The following TSPAN9 variants were observed in gnomAD, a reference collection of about 807,000 sequenced individuals.
The protein encoded by TSPAN9 is tetraspanin 9.
TSPAN9 carries 16 observed loss-of-function variants against 31.0 expected under a neutral mutation model. The ratio of observed to expected loss-of-function variants is 0.52; its 90% CI spans 0.35 to 0.78. The LOEUF (loss-of-function observed/expected upper bound fraction) is 0.78, where lower values mean the gene tolerates loss of function less well. Among genes scored for constraint, TSPAN9 ranks in the 30% least tolerant of loss-of-function variants. The pLI is 0.01. For synonymous variants in TSPAN9, 145 were observed against 121.6 expected, an observed-to-expected ratio of 1.19 and a Z score of -1.27; for missense variants, 272 against 312.5, an observed-to-expected ratio of 0.87 and a Z score of 0.98.
chr12:3,246,640 G>T (rs1862133917), intron 3 of TSPAN9, among the ~76,000 whole-genome samples: 1 of 152,212 alleles, frequency 6.6e-6, no homozygotes, highest in Non-Finnish European at 1.5e-5. Flanking sequence ...GGGTCAGTGT[G>T]CCTACATCCC....
intron 3 of TSPAN9, among the ~76,000 whole-genome samples, chr12:3,232,049 C>T (rs2098391029): frequency 6.6e-6 from 1 of 152,162 alleles, no homozygotes; most frequent in Admixed American, 6.5e-5. Context: ...TTCCAGAGGT[C>T]CCTTCTGTCT....
At chr12:3,149,879 C>T (rs539565323) in intron 2 of TSPAN9, 38 of 152,358 alleles carry the variant, frequency 2.5e-4, no homozygotes, top group African/African-American at 8.7e-4. Context: ...AGGTTTGCCC[C>T]TTTGAGGAGA....
At chr12:3,138,414 T>C (rs182179107) in intron 2 of TSPAN9, among the ~76,000 whole-genome samples, 66 of 152,220 alleles carry the variant, frequency 4.3e-4, no homozygotes, top group Non-Finnish European at 8.4e-4. Flanking sequence ...GAGGCCCCAG[T>C]GCCCAGCTCT....
intron 2 of TSPAN9, among the ~76,000 whole-genome samples, chr12:3,123,497 G>A (rs968696245): frequency 6.6e-6 from 1 of 152,118 alleles, no homozygotes; most frequent in Non-Finnish European, 1.5e-5. Flanking sequence ...GTCCCCGAAG[G>A]TTCTGAGTCT....
intron 2 of TSPAN9, among the ~76,000 whole-genome samples, chr12:3,087,951 C>T (rs1038265635): frequency 6.6e-6 from 1 of 152,212 alleles, no homozygotes; most frequent in Admixed American, 6.5e-5. Context: ...GCTTAGGGGC[C>T]CAAAGCTCTC....
At position 3,168,542 on chromosome 12, in the gene TSPAN9, G is replaced by A. The variant is rs911836971; in HGVS notation, c.-17-32635G>A. On this transcript the variant is annotated intron_variant, in intron 2 of 8. Transcript: ENST00000011898. The surrounding 1 kb of genome is among the most constrained non-coding windows in gnomAD (Gnocchi z 4.0). The stretch of plus-strand genomic sequence containing the variant: ...AAGCTGGGAGGTGCCAGAGCTGGGG[G>A]GCGGTGGGGAGCTGACTTACTTTCT... Among the ~76,000 whole-genome samples the A allele has an allele frequency of 6.6e-6, 1 of 152,180 alleles. No homozygotes were observed. Among genetic ancestry groups the A allele is most frequent in the Non-Finnish European group, 1.5e-5 (1 of 68,040 alleles).
intron 2 of TSPAN9, among the ~76,000 whole-genome samples, chr12:3,085,436 C>T (rs1413698964): frequency 2.6e-5 from 4 of 151,664 alleles, no homozygotes; most frequent in East Asian, 1.9e-4. Flanking sequence ...TGTGCATCTG[C>T]GTTGAAACCC....
intron 3 of TSPAN9, among the ~76,000 whole-genome samples, chr12:3,209,664 C>T (rs767464903): frequency 1.8e-4 from 28 of 151,482 alleles, no homozygotes; most frequent in East Asian, 7.7e-4. Flanking sequence ...TTGCTATAAA[C>T]GTTTCTAAGC....
intron 2 of TSPAN9, among the ~76,000 whole-genome samples, chr12:3,117,329 CT>C (rs1324332054): frequency 4.6e-5 from 7 of 152,098 alleles, no homozygotes. Flanking sequence ...TTTTTGGACT[CT>C]GTTTTATAAG....
At chr12:3,253,895 T>G (rs986306575) in intron 3 of TSPAN9, among the ~76,000 whole-genome samples, 4 of 152,178 alleles carry the variant, frequency 2.6e-5, no homozygotes, top group Non-Finnish European at 5.9e-5. Flanking sequence ...GAACCCCAGG[T>G]GCGTGGCTGC....
At chr12:3,213,246 G>T (rs368810536) in intron 3 of TSPAN9, among the ~76,000 whole-genome samples, 4 of 152,300 alleles carry the variant, frequency 2.6e-5, no homozygotes, top group Admixed American at 6.5e-5. Flanking sequence ...CTAAGCAAAC[G>T]GCAGTTGCTG....
chr12:3,151,715 A>G (rs1416483284), intron 2 of TSPAN9, among the ~76,000 whole-genome samples: 1 of 152,028 alleles, frequency 6.6e-6, no homozygotes, highest in Non-Finnish European at 1.5e-5. Flanking sequence ...CCAACGTGAA[A>G]TGTCTCTTAC....
At chr12:3,221,010 A>G (rs1420789506) in intron 3 of TSPAN9, among the ~76,000 whole-genome samples, 1 of 151,822 alleles carries the variant, frequency 6.6e-6, no homozygotes, top group Non-Finnish European at 1.5e-5. Context: ...AGCCCTGGAG[A>G]CTCAGCATCA....
rs3782785 is a variant in TSPAN9 at position 3,255,406 on chromosome 12, G to T, written c.64-23015G>T. ...GGCCACATCACGTAATGGGAGCAGC[G>T]ATCAGGGCAACTGAAAAAGGAAACG... On this transcript the variant is annotated intron_variant, in intron 3 of 8. Transcript: ENST00000011898. 1.8e-4 allele frequency among the ~76,000 whole-genome samples: 27 copies of T among 152,306 alleles called. No homozygotes were observed. The East Asian group carries it at 4.4e-3, about 25-fold the overall frequency.
At chr12:3,130,250 A>G (rs1387458971) in intron 2 of TSPAN9, among the ~76,000 whole-genome samples, 1 of 152,236 alleles carries the variant, frequency 6.6e-6, no homozygotes, top group Non-Finnish European at 1.5e-5. Context: ...AGCCGCTTGA[A>G]GCAGCCTGCG....
chr12:3,207,435 C>T (rs1472154335), intron 3 of TSPAN9, among the ~76,000 whole-genome samples: 1 of 152,080 alleles, frequency 6.6e-6, no homozygotes, highest in East Asian at 1.9e-4. Context: ...GCTAATCTGC[C>T]AGTAGAAGTG....
chr12:3,088,814 G>C (rs2153962669), intron 2 of TSPAN9, among the ~76,000 whole-genome samples: 1 of 152,238 alleles, frequency 6.6e-6, no homozygotes, highest in Middle Eastern at 3.4e-3. Context: ...GACAGGTGTG[G>C]CCTGCAGGAG....
chr12:3,103,941 A>G (rs1462084171), intron 2 of TSPAN9, among the ~76,000 whole-genome samples: 8 of 151,162 alleles, frequency 5.3e-5, no homozygotes, highest in African/African-American at 2.0e-4. Flanking sequence ...GGCAAATGCT[A>G]TGGAGGACAG....
At chr12:3,141,741 T>G (rs1386993013) in intron 2 of TSPAN9, among the ~76,000 whole-genome samples, 1 of 152,196 alleles carries the variant, frequency 6.6e-6, no homozygotes, top group Non-Finnish European at 1.5e-5. Flanking sequence ...GCCGCTGGTC[T>G]AAAGGCTTTT....
Sources: gnomAD v4.1 joint callset for allele counts (sites outside exome capture counted in the v4.1 genomes callset) on GRCh38, gnomAD v4.1.1 for gene constraint, Gnocchi (gnomAD v3.1) non-coding constraint, MANE v1.5 for transcripts, NCBI Gene and HGNC (gene_info 2026-07-23, HGNC 2026-07-21) for gene names.